The following ME1 variants were observed in gnomAD, a reference collection of about 807,000 sequenced individuals.
The protein encoded by ME1 is malic enzyme 1.
In ME1, 74 loss-of-function variants were observed where a neutral mutation model predicts 66.4. The ratio of observed to expected loss-of-function variants is 1.11; its 90% confidence interval spans 0.92 to 1.35. The LOEUF (loss-of-function observed/expected upper bound fraction) is 1.35. Among genes scored for constraint, ME1 ranks in the 40% most tolerant of loss-of-function variants. The pLI is 0.00. For synonymous variants in ME1, 251 were observed against 235.6 expected (o/e 1.07, Z -0.60); for missense variants, 750 against 694.1 (o/e 1.08, Z -0.90).
chr6:83,365,911 T>C (rs191451978), intron 3 of ME1, among the ~76,000 whole-genome samples: 2 of 152,310 alleles, frequency 1.3e-5, no homozygotes, highest in Admixed American at 6.5e-5. Flanking sequence ...TGTCAGTCTC[T>C]GGCTACTCCT....
intron 2 of ME1, among the ~76,000 whole-genome samples, chr6:83,405,143 A>G (rs6454324): frequency 0.37 from 55,601 of 151,948 alleles, 10,694 homozygotes; most frequent in Middle Eastern, 0.49. Context: ...CATGAGCATG[A>G]AATGTTCTTC....
At chr6:83,308,900 A>G (rs1031153666) in intron 6 of ME1, among the ~76,000 whole-genome samples, 2 of 152,082 alleles carry the variant, frequency 1.3e-5, no homozygotes, top group Non-Finnish European at 2.9e-5. Context: ...AGGATATTTG[A>G]GGAAATGTTA....
intron 6 of ME1, among the ~76,000 whole-genome samples, chr6:83,276,622 T>A (rs1471930332): frequency 3.9e-5 from 6 of 152,202 alleles, no homozygotes; most frequent in Admixed American, 3.9e-4. Flanking sequence ...TTCAAACTAC[T>A]CTTGAAAAGT....
Position 83,430,937 on chromosome 6 carries a change from G to C in ME1, c.18C>G (p.Pro6=). The C allele has an allele frequency of 6.3e-7, 1 of 1,588,724 alleles. No individual in the cohort carries two copies. Among genetic ancestry groups the C allele is most frequent in the Non-Finnish European group, 8.6e-7 (1 of 1,168,932 alleles). The change falls in exon 1 of 14, where the codon CCC becomes CCG. Residue 6 remains proline, a synonymous_variant. Transcript: ENST00000369705. MEPEA[P]RRRHTHQRGY... is the part of the protein sequence containing the mutation. Reference sequence around the variant, plus strand: ...CGCGCTGATGGGTGTGGCGGCGACGGGGGGCTTCGGGCTCCATGGCTGGCG... The same window carrying C: ...CGCGCTGATGGGTGTGGCGGCGACGCGGGGCTTCGGGCTCCATGGCTGGCG...
chr6:83,416,877 C>T (rs1360652519), intron 1 of ME1, among the ~76,000 whole-genome samples: 1 of 140,102 alleles, frequency 7.1e-6, no homozygotes, highest in Non-Finnish European at 1.5e-5. Flanking sequence ...GGCTGGGTGA[C>T]AGAGTGAGAT....
chr6:83,304,493 T>C (rs1270643879), intron 6 of ME1, among the ~76,000 whole-genome samples: 1 of 152,172 alleles, frequency 6.6e-6, no homozygotes, highest in Admixed American at 6.6e-5. Flanking sequence ...CTAACAATAT[T>C]GGTCAACAAA....
At chr6:83,363,668 A>G (rs7774996) in intron 3 of ME1, among the ~76,000 whole-genome samples, 50,744 of 152,132 alleles carry the variant, frequency 0.33, 8,850 homozygotes, top group Middle Eastern at 0.5. Context: ...CTACAACCAC[A>G]TGACCAGTTG....
chr6:83,229,903 G>A (rs1260283898), intron 9 of ME1, among the ~76,000 whole-genome samples: 1 of 152,108 alleles, frequency 6.6e-6, no homozygotes, highest in African/African-American at 2.4e-5. Context: ...GGTCACTGCA[G>A]CCTTGAACTC....
chr6:83,258,636 C>T (rs551555397), intron 6 of ME1, among the ~76,000 whole-genome samples: 1 of 152,260 alleles, frequency 6.6e-6, no homozygotes, highest in South Asian at 2.1e-4. Context: ...AGTGACTAAT[C>T]ACTATATCTA....
intron 5 of ME1, among the ~76,000 whole-genome samples, chr6:83,340,344 T>A (rs1248118131): frequency 6.6e-6 from 1 of 152,228 alleles, no homozygotes; most frequent in East Asian, 1.9e-4. Flanking sequence ...TCTTTTAAAA[T>A]AATGCCTCTA....
intron 7 of ME1, among the ~76,000 whole-genome samples, chr6:83,246,212 A>G (rs956000267): frequency 3.9e-5 from 6 of 152,162 alleles, no homozygotes; most frequent in African/African-American, 1.4e-4. Context: ...CTAATGAAAG[A>G]TTATATATTA....
At chr6:83,380,758 G>A (rs190911095) in intron 3 of ME1, among the ~76,000 whole-genome samples, 16 of 152,100 alleles carry the variant, frequency 1.1e-4, no homozygotes, top group Admixed American at 3.9e-4. Context: ...TTGAAAATAC[G>A]AGTAATAATC....
At chr6:83,298,669 G>A (rs1767649601) in intron 6 of ME1, among the ~76,000 whole-genome samples, 1 of 151,992 alleles carries the variant, frequency 6.6e-6, no homozygotes, top group Admixed American at 6.6e-5. Flanking sequence ...GTATTACCTA[G>A]ATTTTCTTCT....
intron 9 of ME1, among the ~76,000 whole-genome samples, chr6:83,236,151 C>T (rs529810980): frequency 6.6e-6 from 1 of 152,052 alleles, no homozygotes; most frequent in South Asian, 2.1e-4. Flanking sequence ...AAAGCCTATA[C>T]AATATACTAA....
At chr6:83,340,770 A>G (rs966369441) in intron 5 of ME1, among the ~76,000 whole-genome samples, 3 of 152,032 alleles carry the variant, frequency 2.0e-5, no homozygotes, top group Non-Finnish European at 4.4e-5. Context: ...ATGCTCTGGG[A>G]CAGTTTATAT....
At chr6:83,309,899 G>T (rs530975055) in intron 6 of ME1, among the ~76,000 whole-genome samples, 14 of 152,092 alleles carry the variant, frequency 9.2e-5, no homozygotes, top group African/African-American at 2.7e-4. Flanking sequence ...GCAAAGAGAA[G>T]AAATTCTGTA....
At chr6:83,359,370 T>C (rs1171616282) in intron 3 of ME1, among the ~76,000 whole-genome samples, 1 of 152,130 alleles carries the variant, frequency 6.6e-6, no homozygotes, top group African/African-American at 2.4e-5. Flanking sequence ...AAGAACTGCT[T>C]GAGTTTTCCC....
At chr6:83,251,681 C>T (rs184078329) in intron 7 of ME1, among the ~76,000 whole-genome samples, 1 of 152,000 alleles carries the variant, frequency 6.6e-6, no homozygotes, top group Non-Finnish European at 1.5e-5. Context: ...GATGAGAGAT[C>T]AACATTTGGC....
At chr6:83,398,785 C>T (rs1769790152) in intron 2 of ME1, among the ~76,000 whole-genome samples, 1 of 151,852 alleles carries the variant, frequency 6.6e-6, no homozygotes, top group Non-Finnish European at 1.5e-5. Context: ...GCCTGGCCAA[C>T]ATGGTGAAAC....
Sources: gnomAD v4.1 joint callset for allele counts (sites outside exome capture counted in the v4.1 genomes callset) on GRCh38, gnomAD v4.1.1 for gene constraint, MANE v1.5 for transcripts, NCBI Gene and HGNC (gene_info 2026-07-23, HGNC 2026-07-21) for gene names.